Variants in UBE2E2 observed in about 807,000 individuals in gnomAD.
UBE2E2 encodes ubiquitin-conjugating enzyme E2 E2.
Under a neutral mutation model 24.7 loss-of-function variants are expected in UBE2E2, and 6 were observed. The ratio of observed to expected loss-of-function variants is 0.24; its 90% CI spans 0.13 to 0.48. The LOEUF (loss-of-function observed/expected upper bound fraction) is 0.48. Ranked by LOEUF, UBE2E2 falls within the 20% of genes least tolerant of loss-of-function variation. The pLI, the probability that UBE2E2 is intolerant of heterozygous loss-of-function variation, is 0.99. For synonymous variants in UBE2E2, 104 were observed against 83.6 expected, an observed-to-expected ratio of 1.24 and a Z score of -1.33; for missense variants, 169 against 245.0, an observed-to-expected ratio of 0.69 and a Z score of 2.07.
intron 3 of UBE2E2, among the ~76,000 whole-genome samples, chr3:23,385,154 T>C (rs1696778768): frequency 6.6e-6 from 1 of 152,192 alleles, no homozygotes; most frequent in African/African-American, 2.4e-5. Flanking sequence ...TTTAATACTT[T>C]TTATGATGTT....
chr3:23,476,988 T>C (rs988183423), intron 3 of UBE2E2, among the ~76,000 whole-genome samples: 4 of 152,154 alleles, frequency 2.6e-5, no homozygotes, highest in Non-Finnish European at 5.9e-5. Context: ...CTATCTTTAT[T>C]TTAACATTAT....
chr3:23,337,583 T>C (rs977552101), intron 3 of UBE2E2, among the ~76,000 whole-genome samples: 31 of 152,172 alleles, frequency 2.0e-4, no homozygotes, highest in African/African-American at 7.0e-4. Context: ...GGGACAACTT[T>C]ACTGAGGAAT....
intron 3 of UBE2E2, among the ~76,000 whole-genome samples, chr3:23,399,067 C>T (rs1420748790): frequency 6.6e-6 from 1 of 152,142 alleles, no homozygotes; most frequent in Non-Finnish European, 1.5e-5. Flanking sequence ...GTCTTCCACT[C>T]ATGTATTTAA....
chr3:23,213,731 C>T (rs1307802897), intron 2 of UBE2E2, among the ~76,000 whole-genome samples: 1 of 152,104 alleles, frequency 6.6e-6, no homozygotes, highest in African/African-American at 2.4e-5. Context: ...CATCTTTCAC[C>T]TTACCAGCGT....
chr3:23,533,208 A>G lies in UBE2E2; in HGVS notation c.508+507A>G, dbSNP rs571245161. On this transcript the variant is annotated intron_variant, in intron 5 of 5. Coordinates refer to ENST00000396703, the MANE Select transcript of UBE2E2 (RefSeq NM_152653.4). Reference sequence around the variant, plus strand: ...GGAAATACCCCAAAAGTAAACAAGGAAATACACCTCCCAAGAAAACGAAAA... The same window carrying G: ...GGAAATACCCCAAAAGTAAACAAGGGAATACACCTCCCAAGAAAACGAAAA... 1.4e-4 allele frequency among the ~76,000 whole-genome samples: 21 copies of G among 152,344 alleles called. No individual in the cohort carries two copies. The South Asian group carries it at 4.4e-3, about 32-fold the overall frequency.
chr3:23,408,039 C>T (rs1240632365), intron 3 of UBE2E2, among the ~76,000 whole-genome samples: 1 of 151,992 alleles, frequency 6.6e-6, no homozygotes. Context: ...GTAAATAAAA[C>T]TTTTAATGAA....
intron 3 of UBE2E2, among the ~76,000 whole-genome samples, chr3:23,286,987 T>TG (rs774475660): frequency 6.6e-6 from 1 of 152,146 alleles, no homozygotes; most frequent in Non-Finnish European, 1.5e-5. Context: ...GTGGTGAAAG[T>TG]GGGTATCCTT....
chr3:23,549,203 G>A (rs1695586860), intron 5 of UBE2E2, among the ~76,000 whole-genome samples: 1 of 152,178 alleles, frequency 6.6e-6, no homozygotes, highest in Non-Finnish European at 1.5e-5. Flanking sequence ...TTTGTCCTTT[G>A]TAATGGATGG....
At chr3:23,446,699 GTTTTTTTT>G (rs57327621) in intron 3 of UBE2E2, among the ~76,000 whole-genome samples, 1 of 112,230 alleles carries the variant, frequency 8.9e-6, no homozygotes, top group Admixed American at 9.1e-5. Flanking sequence ...CGTCTGTTTG[GTTTTTTTT>G]TTTTTTTTTT....
At chr3:23,376,350 A>G (rs866714670) in intron 3 of UBE2E2, among the ~76,000 whole-genome samples, 20 of 152,230 alleles carry the variant, frequency 1.3e-4, no homozygotes, top group Non-Finnish European at 2.6e-4. Flanking sequence ...CATGAATCAC[A>G]TAGTTTATTG....
intron 3 of UBE2E2, among the ~76,000 whole-genome samples, chr3:23,335,933 A>T (rs981765772): frequency 6.6e-6 from 1 of 152,174 alleles, no homozygotes. Flanking sequence ...AAATACTGAT[A>T]ACATAATAAG....
chr3:23,466,877 C>CTTA (rs1342926512), intron 3 of UBE2E2, among the ~76,000 whole-genome samples: 1 of 152,132 alleles, frequency 6.6e-6, no homozygotes, highest in Admixed American at 6.5e-5. Context: ...GTCCCAGAGT[C>CTTA]TTATTTCCTT....
intron 5 of UBE2E2, among the ~76,000 whole-genome samples, chr3:23,540,805 G>A (rs940474861): frequency 3.4e-4 from 52 of 151,976 alleles, no homozygotes; most frequent in Admixed American, 2.5e-3. Context: ...GCCCCCTACC[G>A]GAACTCCTGG....
At chr3:23,216,999 A>G (rs1483260492) in intron 2 of UBE2E2, among the ~76,000 whole-genome samples, 1 of 152,132 alleles carries the variant, frequency 6.6e-6, no homozygotes, top group Non-Finnish European at 1.5e-5. Context: ...AGAAATTTTA[A>G]TTAGTGCTGT....
intron 3 of UBE2E2, among the ~76,000 whole-genome samples, chr3:23,441,584 G>C (rs913279821): frequency 6.7e-6 from 1 of 150,174 alleles, no homozygotes; most frequent in Non-Finnish European, 1.5e-5. Flanking sequence ...AATGTGTGGA[G>C]GAGATGCCAC....
chr3:23,268,593 G>A (rs544725954), intron 3 of UBE2E2, among the ~76,000 whole-genome samples: 52 of 147,352 alleles, frequency 3.5e-4, no homozygotes, highest in African/African-American at 1.3e-3. Flanking sequence ...CTCATGGGTA[G>A]GAAGAATCAA....
chr3:23,345,019 C>A (rs1173004492), intron 3 of UBE2E2, among the ~76,000 whole-genome samples: 2 of 151,950 alleles, frequency 1.3e-5, no homozygotes, highest in Non-Finnish European at 2.9e-5. Context: ...ATGGAAATAT[C>A]CTCATGAGAT....
chr3:23,385,402 ATCTT>A (rs1198425616), intron 3 of UBE2E2, among the ~76,000 whole-genome samples: 2 of 152,026 alleles, frequency 1.3e-5, no homozygotes, highest in South Asian at 2.1e-4. Flanking sequence ...CTGTTTTGTG[ATCTT>A]TCTATTTTAG....
chr3:23,219,252 A>C (rs1315727652), intron 3 of UBE2E2, among the ~76,000 whole-genome samples: 1 of 152,160 alleles, frequency 6.6e-6, no homozygotes, highest in African/African-American at 2.4e-5. Context: ...TCCCTTTGGC[A>C]AGCAAAGGGT....
Sources: allele counts gnomAD v4.1 joint callset (sites outside exome capture counted in the v4.1 genomes callset), GRCh38; gene constraint gnomAD v4.1.1; transcripts MANE v1.5; gene names NCBI Gene and HGNC (gene_info 2026-07-23, HGNC 2026-07-21).